Variants in PLCL1 observed in about 807,000 individuals in gnomAD.
The protein encoded by PLCL1 is phospholipase C like 1 (inactive).
PLCL1 carries 41 observed loss-of-function variants against 84.4 expected under a neutral mutation model. The ratio of observed to expected loss-of-function variants is 0.49; its 90% CI spans 0.38 to 0.63. The LOEUF (loss-of-function observed/expected upper bound fraction) is 0.63. Ranked by LOEUF, PLCL1 falls within the 30% of genes least tolerant of loss-of-function variation. PLCL1 has a pLI of 0.00. For synonymous variants in PLCL1, 490 were observed against 488.3 expected, an observed-to-expected ratio of 1.00 and a Z score of -0.05; for missense variants, 1,206 against 1,367.8, an observed-to-expected ratio of 0.88 and a Z score of 1.87.
chr2:197,823,068 T>G (rs1690850381), intron 1 of PLCL1, among the ~76,000 whole-genome samples: 1 of 152,142 alleles, frequency 6.6e-6, no homozygotes, highest in African/African-American at 2.4e-5. Context: ...AAAATGATTT[T>G]CTATTTTTCC....
At chr2:197,892,807 A>T (rs958281981) in intron 1 of PLCL1, among the ~76,000 whole-genome samples, 1 of 152,192 alleles carries the variant, frequency 6.6e-6, no homozygotes, top group African/African-American at 2.4e-5. Flanking sequence ...AGCCTGATCA[A>T]CATGGTGAAA....
At chr2:198,133,285 C>T (rs1252174428) in intron 5 of PLCL1, among the ~76,000 whole-genome samples, 1 of 147,542 alleles carries the variant, frequency 6.8e-6, no homozygotes, top group Non-Finnish European at 1.5e-5. Flanking sequence ...AACAAAAAAC[C>T]AAACACCGCA....
chr2:198,056,404 T>C (rs772930072), intron 1 of PLCL1, among the ~76,000 whole-genome samples: 1 of 152,222 alleles, frequency 6.6e-6, no homozygotes, highest in Admixed American at 6.5e-5. Flanking sequence ...TGGTACTATG[T>C]AGTTTTTGGA....
chr2:197,946,523 T>TA (rs397820332), intron 1 of PLCL1, among the ~76,000 whole-genome samples: 1 of 151,984 alleles, frequency 6.6e-6, no homozygotes, highest in African/African-American at 2.4e-5. Context: ...CAATTTTTTT[T>TA]ATTTATTGGA....
chr2:197,822,341 C>T (rs1459178288), intron 1 of PLCL1, among the ~76,000 whole-genome samples: 1 of 152,110 alleles, frequency 6.6e-6, no homozygotes, highest in African/African-American at 2.4e-5. Flanking sequence ...AAAATTCTTA[C>T]GTTGAGCCCA....
chr2:198,006,605 T>C (rs1690734345), intron 1 of PLCL1, among the ~76,000 whole-genome samples: 1 of 152,198 alleles, frequency 6.6e-6, no homozygotes, highest in African/African-American at 2.4e-5. Flanking sequence ...GAATCTAAAT[T>C]TTCCCAATAG....
At position 197,885,687 on chromosome 2, in the gene PLCL1, C is replaced by T. The variant is rs184691313; in HGVS notation, c.240+80348C>T. On this transcript the variant is annotated intron_variant, in intron 1 of 5. Transcript: ENST00000428675. ...AACATTTTTCCCTCAGATAGGCCTT[C>T]TCTGACCATCTTTCTAACTTCATGT... is the stretch of plus-strand genomic sequence containing the variant. Among the ~76,000 whole-genome samples the T allele has an allele frequency of 2.2e-3, 331 of 152,348 alleles. 2 individuals are homozygous for T. Among genetic ancestry groups the T allele is most frequent in the African/African-American group, 7.4e-3 (308 of 41,570 alleles).
chr2:197,845,150 C>A (rs1356769952), intron 1 of PLCL1, among the ~76,000 whole-genome samples: 1 of 151,890 alleles, frequency 6.6e-6, no homozygotes, highest in Non-Finnish European at 1.5e-5. Context: ...ATAAAAAGAT[C>A]AAGATGAAGG....
intron 1 of PLCL1, among the ~76,000 whole-genome samples, chr2:197,905,159 A>G (rs1340254530): frequency 1.3e-5 from 2 of 152,180 alleles, no homozygotes; most frequent in South Asian, 2.1e-4. Flanking sequence ...TACATGTGCC[A>G]TGGTGGTTTG....
chr2:198,024,099 GGA>G (rs1233819657), intron 1 of PLCL1, among the ~76,000 whole-genome samples: 1 of 152,160 alleles, frequency 6.6e-6, no homozygotes, highest in African/African-American at 2.4e-5. Context: ...TCCTTTGCAG[GGA>G]CATGGATGAA....
intron 1 of PLCL1, among the ~76,000 whole-genome samples, chr2:197,896,422 T>G (rs1305690766): frequency 6.6e-6 from 1 of 152,024 alleles, no homozygotes; most frequent in East Asian, 1.9e-4. Context: ...AATTCTCAAC[T>G]CATGGTTTCC....
chr2:197,814,322 T>A (rs1186692939), intron 1 of PLCL1, among the ~76,000 whole-genome samples: 1 of 152,218 alleles, frequency 6.6e-6, no homozygotes, highest in Non-Finnish European at 1.5e-5. Context: ...TTCATTGTTA[T>A]TATATCTATT....
At chr2:197,923,656 C>G (rs566333683) in intron 1 of PLCL1, among the ~76,000 whole-genome samples, 1 of 148,950 alleles carries the variant, frequency 6.7e-6, no homozygotes, top group Non-Finnish European at 1.5e-5. Context: ...CGGGCGCAGA[C>G]GCTCCTCACT....
At chr2:197,853,752 T>C (rs1383127874) in intron 1 of PLCL1, among the ~76,000 whole-genome samples, 1 of 152,182 alleles carries the variant, frequency 6.6e-6, no homozygotes, top group African/African-American at 2.4e-5. Context: ...TGTCCCTGTT[T>C]CTACCCAAGC....
At chr2:198,113,886 GAA>G (rs1382033671) in intron 5 of PLCL1, among the ~76,000 whole-genome samples, 1 of 151,538 alleles carries the variant, frequency 6.6e-6, no homozygotes, top group South Asian at 2.1e-4. Flanking sequence ...AATCTGCAGC[GAA>G]GTTTTATAAC....
Position 197,805,396 on chromosome 2 carries a change from AC to A in PLCL1, c.240+60del. 1 of 1,307,034 alleles carries A rather than the reference AC, an allele frequency of 7.7e-7. No homozygotes were observed. Among genetic ancestry groups the A allele is most frequent in the Non-Finnish European group, 9.7e-7 (1 of 1,032,502 alleles). The allele number at this position is 1,307,034 out of a possible 1,614,324, so 81.0% of individuals were successfully genotyped here. ...GCTGTGGGTGATGGGTGGGTCAGGG[AC>A]CCGGGCAGGATGTGCGGTGTCCGGA... On this transcript the variant is annotated intron_variant, in intron 1 of 5. Coordinates refer to ENST00000428675, the MANE Select transcript of PLCL1 (RefSeq NM_006226.4). The surrounding 1 kb of genome is among the most constrained non-coding windows in gnomAD (Gnocchi z 4.0).
chr2:198,004,130 A>G (rs1019239243), intron 1 of PLCL1, among the ~76,000 whole-genome samples: 2 of 148,320 alleles, frequency 1.3e-5, no homozygotes, highest in Non-Finnish European at 3.0e-5. Flanking sequence ...TCAATGTAAT[A>G]TATTTAGCTT....
At position 197,947,864 on chromosome 2, in the gene PLCL1, G is replaced by C. The variant is rs190043577; in HGVS notation, c.241-135894G>C. On this transcript the variant is annotated intron_variant, in intron 1 of 5. Transcript: ENST00000428675. ...ATGATTCTACTAAGCAGCAAAGGCTGAGAATGATGGATAGGGGTCCTTTGC... is the reference window on the plus strand; with the variant it reads ...ATGATTCTACTAAGCAGCAAAGGCTCAGAATGATGGATAGGGGTCCTTTGC... Among the ~76,000 whole-genome samples the C allele has an allele frequency of 1.8e-4, 28 of 152,288 alleles. No individual in the cohort carries two copies. In the East Asian group the frequency reaches 4.6e-3, roughly 25 times the overall value.
chr2:198,046,799 C>T (rs1436056408), intron 1 of PLCL1, among the ~76,000 whole-genome samples: 1 of 151,910 alleles, frequency 6.6e-6, no homozygotes, highest in East Asian at 1.9e-4. Flanking sequence ...TGATTGAGCC[C>T]CTGCACTCCA....
Sources: allele counts gnomAD v4.1 joint callset (sites outside exome capture counted in the v4.1 genomes callset), GRCh38; gene constraint gnomAD v4.1.1; non-coding constraint Gnocchi (gnomAD v3.1); transcripts MANE v1.5; gene names NCBI Gene and HGNC (gene_info 2026-07-23, HGNC 2026-07-21).